The following TRAPPC9 variants were observed in gnomAD, a reference collection of about 807,000 sequenced individuals.
TRAPPC9 encodes IKK2 binding protein.
In TRAPPC9, 83 loss-of-function variants were observed where a neutral mutation model predicts 124.0. The ratio of observed to expected loss-of-function variants is 0.67; its 90% CI spans 0.56 to 0.80. TRAPPC9 has a LOEUF of 0.80. Ranked by LOEUF, TRAPPC9 falls within the 30% of genes least tolerant of loss-of-function variation. The pLI, the probability that TRAPPC9 is intolerant of heterozygous loss-of-function variation, is 0.00. For synonymous variants in TRAPPC9, 638 were observed against 617.5 expected, an observed-to-expected ratio of 1.03 and a Z score of -0.49; for missense variants, 1,302 against 1,508.3, an observed-to-expected ratio of 0.86 and a Z score of 2.27.
intron 19 of TRAPPC9, among the ~76,000 whole-genome samples, chr8:139,973,174 TG>T (rs1484910608): frequency 1.1e-4 from 16 of 152,360 alleles, no homozygotes; most frequent in African/African-American, 3.8e-4. Context: ...GTCCTTGTCA[TG>T]TGAACAGAGA....
At chr8:139,910,931 G>A (rs1831684312) in intron 19 of TRAPPC9, among the ~76,000 whole-genome samples, 1 of 152,196 alleles carries the variant, frequency 6.6e-6, no homozygotes, top group Non-Finnish European at 1.5e-5. Flanking sequence ...TTGGACTGTG[G>A]ACTTTTGAGT....
At chr8:140,143,464 A>G (rs2061411284) in intron 17 of TRAPPC9, among the ~76,000 whole-genome samples, 1 of 152,238 alleles carries the variant, frequency 6.6e-6, no homozygotes, top group Admixed American at 6.5e-5. Context: ...GATATTTCAT[A>G]TATACAGAAA....
At chr8:139,845,320 T>C (rs2130905757) in intron 21 of TRAPPC9, among the ~76,000 whole-genome samples, 1 of 152,238 alleles carries the variant, frequency 6.6e-6, no homozygotes, top group South Asian at 2.1e-4. Context: ...GCACAAACTC[T>C]CGCCTGTGCT....
intron 21 of TRAPPC9, among the ~76,000 whole-genome samples, chr8:139,754,787 G>C (rs1819584258): frequency 6.6e-6 from 1 of 152,220 alleles, no homozygotes; most frequent in East Asian, 1.9e-4. Context: ...TTCCTCCCCT[G>C]GCTGAAAACA....
chr8:140,336,148 A>G (rs1270939145), intron 9 of TRAPPC9, among the ~76,000 whole-genome samples: 1 of 151,710 alleles, frequency 6.6e-6, no homozygotes, highest in Non-Finnish European at 1.5e-5. Context: ...TTTCTTTTCC[A>G]TCTGCTCAGT....
chr8:140,275,714 A>G lies in TRAPPC9; in HGVS notation c.2222T>C (p.Ile741Thr). The change falls in exon 15 of 23, where the codon ATT (isoleucine) becomes ACT (threonine). Residue 741 changes from isoleucine (I) to threonine (T), a missense_variant. Physicochemically the swap from Ile to Thr is moderately conservative, Grantham distance 89 (BLOSUM62 -1). This residue lies in a region of TRAPPC9 where 640 missense variants were observed against 679.3 expected (regional missense o/e 0.94). Coordinates refer to ENST00000438773, the MANE Select transcript of TRAPPC9 (RefSeq NM_001160372.4). ...SQQLIIKLEN[I>T]GMEPLEKLEV... ...CAGTTTCTCCAATGGTTCCATTCCA[A>G]TATTTTCCAATTTAATGATTAGTTG... 1.9e-6 allele frequency: 3 copies of G among 1,614,160 alleles called. No homozygotes were observed. The highest frequency in any genetic ancestry group is 2.5e-6 in the Non-Finnish European group (3 of 1,179,998).
chr8:140,428,324 A>G (rs2070501266), intron 4 of TRAPPC9, among the ~76,000 whole-genome samples: 1 of 152,236 alleles, frequency 6.6e-6, no homozygotes, highest in South Asian at 2.1e-4. Flanking sequence ...TTAACTATTA[A>G]TGTAACGGGA....
intron 20 of TRAPPC9, among the ~76,000 whole-genome samples, chr8:139,902,618 C>T (rs549687686): frequency 2.6e-5 from 4 of 152,262 alleles, no homozygotes; most frequent in Admixed American, 2.0e-4. Context: ...CCAAACATAA[C>T]GATTAGAAAA....
intron 19 of TRAPPC9, among the ~76,000 whole-genome samples, chr8:139,956,747 G>A (rs890616587): frequency 2.0e-5 from 3 of 152,190 alleles, no homozygotes; most frequent in African/African-American, 7.2e-5. Flanking sequence ...GCGTAGACTC[G>A]TTGTGCCACC....
intron 21 of TRAPPC9, among the ~76,000 whole-genome samples, chr8:139,757,310 C>G (rs571995171): frequency 2.2e-5 from 3 of 136,802 alleles, no homozygotes; most frequent in Non-Finnish European, 3.1e-5. Flanking sequence ...GACAGCAGGT[C>G]GCAGGAGGAG....
intron 17 of TRAPPC9, among the ~76,000 whole-genome samples, chr8:140,072,037 G>A (rs1400343682): frequency 6.6e-6 from 1 of 152,236 alleles, no homozygotes; most frequent in African/African-American, 2.4e-5. Context: ...CAGAGCAGCA[G>A]CTGTCAAGAG....
chr8:140,039,524 C>A (rs1180947356), intron 17 of TRAPPC9, among the ~76,000 whole-genome samples: 1 of 152,174 alleles, frequency 6.6e-6, no homozygotes, highest in East Asian at 1.9e-4. Context: ...TTAATGTGCA[C>A]AACAAATAAA....
chr8:140,387,422 T>G (rs541539055), intron 7 of TRAPPC9, among the ~76,000 whole-genome samples: 1 of 152,094 alleles, frequency 6.6e-6, no homozygotes. Flanking sequence ...GAAACTACCA[T>G]CAGAGTGAAC....
At position 140,257,552 on chromosome 8, in the gene TRAPPC9, A is replaced by G. The variant is rs555944931; in HGVS notation, c.2279-4623T>C. 6.6e-6 allele frequency among the ~76,000 whole-genome samples: 1 copy of G among 152,310 alleles called. No individual in the cohort carries two copies. Among genetic ancestry groups the G allele is most frequent in the South Asian group, 2.1e-4 (1 of 4,826 alleles). ...CACAGGGGAGGGAGGAAAGAAGCAC[A>G]CGTCCTTTCAGAAGTTGACATCTGG... On this transcript the variant is annotated intron_variant, in intron 15 of 22. Coordinates refer to ENST00000438773, the MANE Select transcript of TRAPPC9 (RefSeq NM_001160372.4). The surrounding 1 kb of genome is among the most constrained non-coding windows in gnomAD (Gnocchi z 4.6).
intron 17 of TRAPPC9, among the ~76,000 whole-genome samples, chr8:140,221,252 A>G (rs183990904): frequency 2.2e-4 from 33 of 152,360 alleles, no homozygotes; most frequent in Non-Finnish European, 4.1e-4. Flanking sequence ...TTCCAAGGAC[A>G]TAAGAGTTTG....
At chr8:140,262,640 G>C (rs1357445591) in intron 15 of TRAPPC9, 1 of 152,130 alleles carries the variant, frequency 6.6e-6, no homozygotes, top group Non-Finnish European at 1.5e-5. Context: ...AAATAATACA[G>C]GATGTGCAGT....
chr8:139,943,916 G>C (rs1336033010), intron 19 of TRAPPC9, among the ~76,000 whole-genome samples: 1 of 152,130 alleles, frequency 6.6e-6, no homozygotes, highest in African/African-American at 2.4e-5. Context: ...CAGAGCTTCA[G>C]GGACCTGTGG....
chr8:140,372,216 A>T (rs1361429736), intron 7 of TRAPPC9, among the ~76,000 whole-genome samples: 1 of 152,210 alleles, frequency 6.6e-6, no homozygotes, highest in East Asian at 1.9e-4. Context: ...TTCAGAGAAG[A>T]AGGAAGGCAG....
chr8:140,417,491 C>T (rs1282325688), intron 5 of TRAPPC9, among the ~76,000 whole-genome samples: 2 of 152,272 alleles, frequency 1.3e-5, no homozygotes, highest in African/African-American at 2.4e-5. Flanking sequence ...TAGAGAAATG[C>T]AAATCAAAAC....
Sources: allele counts gnomAD v4.1 joint callset (sites outside exome capture counted in the v4.1 genomes callset), GRCh38; gene constraint gnomAD v4.1.1; regional missense constraint gnomAD v4.1.1; non-coding constraint Gnocchi (gnomAD v3.1); transcripts MANE v1.5; gene names NCBI Gene and HGNC (gene_info 2026-07-23, HGNC 2026-07-21).